The following CCAR2 variants were observed in gnomAD, a reference collection of about 807,000 sequenced individuals.
CCAR2 encodes cell cycle and apoptosis regulator 2.
Under a neutral mutation model 108.1 loss-of-function variants are expected in CCAR2, and 21 were observed. The ratio of observed to expected loss-of-function variants is 0.19; its 90% CI spans 0.14 to 0.28. The LOEUF is 0.28. Among genes scored for constraint, CCAR2 ranks in the 10% least tolerant of loss-of-function variants. The pLI, the probability that CCAR2 is intolerant of heterozygous loss-of-function variation, is 1.00. For synonymous variants in CCAR2, 577 were observed against 472.8 expected, an observed-to-expected ratio of 1.22 and a Z score of -2.86; for missense variants, 1,126 against 1,177.0, an observed-to-expected ratio of 0.96 and a Z score of 0.63.
intron 20 of CCAR2, 66 bp from the exon 21 acceptor site, chr8:22,619,565 GGCAGTCC>G (rs11277208): frequency 0.05 from 74,453 of 1,500,758 alleles, 4,491 homozygotes; most frequent in African/African-American, 0.32. Context: ...CCCAGCAGGA[GGCAGTCC>G]GCAGTCCGCA....
intron 14 of CCAR2, chr8:22,616,619 C>T: frequency 4.2e-6 from 1 of 239,070 alleles, no homozygotes; most frequent in South Asian, 6.1e-5. Context: ...AGTTTGAGAC[C>T]AGCCTGGCCA....
chr8:22,621,278 G>T, downstream of CCAR2: 1 of 1,143,796 alleles, frequency 8.7e-7, no homozygotes, highest in Non-Finnish European at 1.2e-6. Flanking sequence ...GCCAGGCTCA[G>T]GAAGAGTCAT....
chr8:22,609,408 T>C (rs900911467), intron 7 of CCAR2, among the ~76,000 whole-genome samples: 1 of 152,120 alleles, frequency 6.6e-6, no homozygotes, highest in Non-Finnish European at 1.5e-5. Flanking sequence ...CACCTCAGCC[T>C]CCCAAAGCGC....
chr8:22,621,485 C>A, downstream of CCAR2: 1 of 1,613,960 alleles, frequency 6.2e-7, no homozygotes, highest in Non-Finnish European at 8.5e-7. Context: ...TCTCCCGCTC[C>A]CGCTGCTCAT....
Position 22,615,700 on chromosome 8 carries a change from C to T in CCAR2, c.1396C>T (p.Gln466Ter). ...GTCACAGGAAACGGAGCCTACTGAA[C>T]AGGCACCTGATGCCTTGGAGCAAGC... ...EAQGETEPTE[Q>*]APDALEQAAD... Residue 466 changes from glutamine (Q) to a stop codon, truncating the protein, a stop_gained, in exon 13 of 21, where the codon CAG becomes TAG. Coordinates refer to ENST00000308511, the MANE Select transcript of CCAR2 (RefSeq NM_001393997.1). LOFTEE classifies it high-confidence loss of function. 1 of 1,613,740 alleles carries T rather than the reference C, an allele frequency of 6.2e-7. No individual in the cohort carries two copies. The highest frequency in any genetic ancestry group is 8.5e-7 in the Non-Finnish European group (1 of 1,180,016).
In CCAR2 at chr8:22,614,538, G is replaced by C. The variant is rs17060939; in HGVS notation, c.1041+35G>C. ...GGAGAGCAGGAGGAGATGCATTCAC[G>C]GGTAATGTGCACAACCTGTCATGTT... On this transcript the variant is annotated intron_variant, in intron 10 of 20. Coordinates refer to ENST00000308511, the MANE Select transcript of CCAR2 (RefSeq NM_001393997.1). The C allele has an allele frequency of 8.4e-6, 13 of 1,554,446 alleles. No homozygotes were observed. The Admixed American group carries it at 2.0e-4, about 24-fold the overall frequency.
intron 7 of CCAR2, among the ~76,000 whole-genome samples, chr8:22,610,104 A>G (rs1801218837): frequency 6.6e-6 from 1 of 152,172 alleles, no homozygotes; most frequent in African/African-American, 2.4e-5. Flanking sequence ...AGCATTTCAG[A>G]TAAGGGATAC....
rs756663228 is a variant in CCAR2 at position 22,612,850 on chromosome 8, C to T, written c.585-167C>T. On this transcript the variant is annotated intron_variant, in intron 7 of 20. Coordinates refer to ENST00000308511, the MANE Select transcript of CCAR2 (RefSeq NM_001393997.1). Reference sequence around the variant, plus strand: ...GAATGTTTATTAAAACAGTAAATATCCATTTTAATATCTTTATAACATTCT... The same window carrying T: ...GAATGTTTATTAAAACAGTAAATATTCATTTTAATATCTTTATAACATTCT... 5.3e-5 allele frequency: 37 copies of T among 701,926 alleles called. No individual in the cohort carries two copies. The Admixed American group carries it at 9.7e-4, about 18-fold the overall frequency. The allele number at this position is 701,926 out of a possible 1,614,324, so 43.5% of individuals were successfully genotyped here. A position where few individuals can be genotyped will look rare whatever the true frequency, so the allele number is the denominator to read the frequency against.
At chr8:22,621,381 G>A (rs777281096), downstream of CCAR2, 6 of 1,590,722 alleles carry the variant, frequency 3.8e-6, no homozygotes, top group South Asian at 4.5e-5. Flanking sequence ...GGATGAATGA[G>A]GCTGACCACG....
chr8:22,608,031 C>T lies in CCAR2; in HGVS notation c.550C>T (p.Arg184Trp), dbSNP rs376168583. The T allele has an allele frequency of 1.1e-5, 17 of 1,613,836 alleles. No individual in the cohort carries two copies. The highest frequency in any genetic ancestry group is 1.4e-5 in the Non-Finnish European group (16 of 1,179,986). The change falls in exon 7 of 21, where the codon CGG (arginine) becomes TGG (tryptophan). Residue 184 changes from arginine to tryptophan, a missense_variant. By Grantham distance (101) the Arg-to-Trp change is moderately radical. Transcript: ENST00000308511. ...HLSHLNRFPA[R>W]GPHGRLDQGR... is the part of the protein sequence containing the mutation. ...GAGCCACCTGAACAGATTTCCTGCC[C>T]GGGGCCCTCATGGACGGTTGGATCA...
rs755526646 is a variant in CCAR2, at chr8:22,618,679, C to T, written c.2283C>T (p.Tyr761=). 1.9e-5 allele frequency: 30 copies of T among 1,613,978 alleles called. No individual in the cohort carries two copies. The East Asian group carries it at 3.1e-4, about 17-fold the overall frequency. ...TCTGCCAGTACCGGAGCCTTCAGTA[C>T]AGCCGCCAGGAGGGCCTGGATGGTG... The part of the protein sequence containing the change: ...QNICQYRSLQ[Y]SRQEGLDGGL... Residue 761 remains tyrosine, a synonymous_variant, in exon 18 of 21, where the codon TAC becomes TAT. Coordinates refer to ENST00000308511, the MANE Select transcript of CCAR2 (RefSeq NM_001393997.1).
rs1047588927 is a variant in CCAR2 at position 22,618,080 on chromosome 8, TTGA to T, written c.2074-266_2074-264del. On this transcript the variant is annotated intron_variant, in intron 16 of 20. Transcript: ENST00000308511. The stretch of plus-strand genomic sequence containing the variant: ...GCGTGATGAACATCAGGCAAGGTGC[TTGA>T]TGTTTTGTTTTTTAGAGACGGGGTT... 7 of 592,616 alleles carry T rather than the reference TTGA, an allele frequency of 1.2e-5. No individual in the cohort carries two copies. The African/African-American group carries it at 1.3e-4, about 11-fold the overall frequency. 36.7% of individuals were successfully genotyped at this position (592,616 alleles called of 1,614,324 possible).
intron 1 of CCAR2, chr8:22,605,208 C>G: frequency 5.4e-6 from 1 of 184,582 alleles, no homozygotes; most frequent in Non-Finnish European, 1.2e-5. Context: ...GTCGAGGAAA[C>G]AACGGGTCGG....
rs116549341 is a variant in CCAR2, at chr8:22,612,783, A to C, written c.585-234A>C. 1,685 of 353,450 alleles carry C rather than the reference A, an allele frequency of 4.8e-3. 20 individuals are homozygous for C. The highest frequency in any genetic ancestry group is 0.032 in the African/African-American group (1,520 of 47,626). 21.9% of individuals were successfully genotyped at this position (353,450 alleles called of 1,614,324 possible). ...GTTGTTTTTGCAGTAGCTGAGGCCT[A>C]CTGTGTATACAATGTTGCAGAGTGT... On this transcript the variant is annotated intron_variant, in intron 7 of 20. Coordinates refer to ENST00000308511, the MANE Select transcript of CCAR2 (RefSeq NM_001393997.1).
chr8:22,614,296 C>T lies in CCAR2; in HGVS notation c.909C>T (p.Asp303=), dbSNP rs139429182. ...AGAEPITADS[D]PAYSSKVLLL... is the part of the protein sequence containing the mutation. ...CTGAGCCCATCACTGCAGACAGTGA[C>T]CCCGCTTATAGTTCGAAGGTAAGCT... Residue 303 remains aspartate, a synonymous_variant, in exon 9 of 21, where the codon GAC becomes GAT. Transcript: ENST00000308511. 6 of 1,613,918 alleles carry T rather than the reference C, an allele frequency of 3.7e-6. No homozygotes were observed. The highest frequency in any genetic ancestry group is 5.1e-6 in the Non-Finnish European group (6 of 1,179,966).
intron 7 of CCAR2, 138 bp from the exon 8 acceptor site, chr8:22,612,879 A>C: frequency 1.1e-6 from 1 of 899,870 alleles, no homozygotes; most frequent in African/African-American, 1.7e-5. Context: ...ACATTCTGTC[A>C]TATGGCTGTT....
rs747064538 is a variant in CCAR2, at chr8:22,606,175, A to C, written c.149A>C (p.Gln50Pro). 2 of 1,613,006 alleles carry C rather than the reference A, an allele frequency of 1.2e-6. No homozygotes were observed. Among genetic ancestry groups the C allele is most frequent in the South Asian group, 2.2e-5 (2 of 91,054 alleles). ...CTGTCCCAGAATGCCAGGCACCTTC[A>C]GGTAGGTTCGGCATCCCTTGTAGTA... ...TELSQNARHLQGGEKQRVFTG... is the reference protein window; with the variant it reads ...TELSQNARHLPGGEKQRVFTG... Residue 50 changes from glutamine to proline, a missense_variant and splice_region_variant, in exon 3 of 21, where the codon CAG (glutamine) becomes CCG (proline). Transcript: ENST00000308511.
intron 7 of CCAR2, 77 bp downstream of exon 7, chr8:22,608,142 T>G (rs1801150817): frequency 1.6e-6 from 2 of 1,259,712 alleles, no homozygotes; most frequent in African/African-American, 1.5e-5. Context: ...TTTTTTTGTG[T>G]TGGCCAGGAA....
At position 22,614,478 on chromosome 8, in the gene CCAR2, C is replaced by G. The variant is rs756456819; in HGVS notation, c.1016C>G (p.Pro339Arg). The G allele has an allele frequency of 8.7e-6, 14 of 1,614,128 alleles. No individual in the cohort carries two copies. The East Asian group carries it at 2.7e-4, about 31-fold the overall frequency. ...VDDMAEPRETPEHPLKQIKFL... is the reference protein window; with the variant it reads ...VDDMAEPRETREHPLKQIKFL... ...GACATGGCTGAGCCAAGGGAGACGC[C>G]AGAGCATCCTCTGAAGCAGATTAAG... The change falls in exon 10 of 21, where the codon CCA (proline) becomes CGA (arginine). Residue 339 changes from proline (P) to arginine (R), a missense_variant. Around this residue, in one of 4 missense-constraint regions of CCAR2, gnomAD observed 1,013 missense variants for 993.9 expected, o/e 1.02. Coordinates refer to ENST00000308511, the MANE Select transcript of CCAR2 (RefSeq NM_001393997.1).
Sources: allele counts gnomAD v4.1 joint callset (sites outside exome capture counted in the v4.1 genomes callset), GRCh38; gene constraint gnomAD v4.1.1; regional missense constraint gnomAD v4.1.1; transcripts MANE v1.5; gene names NCBI Gene and HGNC (gene_info 2026-07-23, HGNC 2026-07-21).